PSG7: variants seen among roughly 807,000 people sequenced by gnomAD.
The protein encoded by PSG7 is pregnancy-specific beta-1-glycoprotein 7.
PSG7 carries 57 observed loss-of-function variants against 45.6 expected under a neutral mutation model. The ratio of observed to expected loss-of-function variants is 1.25; its 90% CI spans 1.01 to 1.56. PSG7 has a LOEUF of 1.56. Among genes scored for constraint, PSG7 ranks in the 40% most tolerant of loss-of-function variants. PSG7 has a pLI of 0.00. For missense variants in PSG7, 796 were observed against 508.4 expected (o/e 1.57, Z -5.44); for synonymous variants, 298 against 194.4 (o/e 1.53, Z -4.43).
chr19:42,924,920 A>G, intron 5 of PSG7, 96 bp from the exon 6 acceptor site: 2 of 750,518 alleles, frequency 2.7e-6, no homozygotes, highest in Non-Finnish European at 2.4e-6. Flanking sequence ...TTTTCTCTCT[A>G]TGGGCATCTC....
Position 42,925,496 on chromosome 19 carries a change from A to C in PSG7, c.1243+277T>G, listed in dbSNP as rs1972861223. 5 of 911,650 alleles carry C rather than the reference A, an allele frequency of 5.5e-6. 1 individual carries two copies. The African/African-American group carries it at 8.4e-5, about 15-fold the overall frequency. 56.5% of individuals were successfully genotyped at this position (911,650 alleles called of 1,614,324 possible). On this transcript the variant is annotated intron_variant, in intron 5 of 5. Transcript: ENST00000406070. ...AAAGAATCAGCATATTTTCAAATAA[A>C]AATCATAAAAACATTATCCTCATTA...
intron 1 of PSG7, 135 bp from the exon 2 acceptor site, chr19:42,935,904 AC>A (rs1278635091): frequency 3.9e-6 from 5 of 1,290,610 alleles, no homozygotes; most frequent in African/African-American, 3.1e-5. Context: ...ACACACACAC[AC>A]ACACACACAA....
chr19:42,926,607 C>T lies in PSG7; in HGVS notation c.819G>A (p.Trp273Ter), dbSNP rs768761409. 5 of 1,610,268 alleles carry T rather than the reference C, an allele frequency of 3.1e-6. No homozygotes were observed. Among genetic ancestry groups the T allele is most frequent in the Non-Finnish European group, 4.2e-6 (5 of 1,179,030 alleles). ...CCGGGAGGCTCTGACCATTTAGCCA[C>T]CAAATGTAGGTGTAGTTCTCACTCT... ...EPKSENYTYI[W>*]WLNGQSLPVS... The change falls in exon 4 of 6, where the codon TGG becomes TGA. Residue 273 changes from tryptophan (W) to a stop codon, truncating the protein, a stop_gained. Transcript: ENST00000406070. LOFTEE classifies it high-confidence loss of function.
chr19:42,929,243 C>G (rs956273832), intron 3 of PSG7, 199 bp downstream of exon 3: 2 of 1,281,198 alleles, frequency 1.6e-6, no homozygotes, highest in African/African-American at 3.0e-5. Context: ...TCTCCCATGA[C>G]AGGAGCAGCC....
At position 42,929,466 on chromosome 19, in the gene PSG7, C is replaced by G; in HGVS notation, c.685G>C (p.Asp229His). 1 of 1,612,502 alleles carries G rather than the reference C, an allele frequency of 6.2e-7. No individual in the cohort carries two copies. The part of the protein sequence containing the change: ...IRNPVSASRS[D>H]PVTLNLLPKL... The stretch of plus-strand genomic sequence containing the variant: ...CGGAGGAGATTCAGGGTGACTGGGT[C>G]ACTGCGGCTGGCACTCACTGGGTTC... The change falls in exon 3 of 6, where the codon GAC (aspartate) becomes CAC (histidine). Residue 229 changes from aspartate (D) to histidine (H), a missense_variant. Coordinates refer to ENST00000406070, the MANE Select transcript of PSG7 (RefSeq NM_002783.3).
chr19:42,929,188 T>G, intron 3 of PSG7: 2 of 846,632 alleles, frequency 2.4e-6, no homozygotes, highest in South Asian at 2.1e-5. Context: ...ATCTGGAGCC[T>G]GAGACATTCA....
rs780530486 is a variant in PSG7 at position 42,925,835 on chromosome 19, C to G, written c.1181G>C (p.Cys394Ser). The change falls in exon 5 of 6, where the codon TGC becomes TCC. Residue 394 changes from cysteine (C) to serine (S), a missense_variant. Cys to Ser is a moderately radical substitution (Grantham distance 112). Transcript: ENST00000406070. ...ITTKHSGLYA[C>S]SVRNSATGKE... is the part of the protein sequence containing the mutation. ...GCCAGTGGCTGAGTTACGAACAGAGCAAGCATAGAGCCCGCTATGCTTTGT... is the reference window on the plus strand; with the variant it reads ...GCCAGTGGCTGAGTTACGAACAGAGGAAGCATAGAGCCCGCTATGCTTTGT... The G allele has an allele frequency of 6.2e-7, 1 of 1,611,990 alleles. No homozygotes were observed. Among genetic ancestry groups the G allele is most frequent in the Admixed American group, 1.7e-5 (1 of 59,866 alleles).
chr19:42,934,769 G>A lies in PSG7; in HGVS notation c.430+635C>T, dbSNP rs550370909. ...TGTCCTAGGCCTCCTAAGGCAGTTG[G>A]CTGATGGCCTACAAAGCTTGTCTTT... On this transcript the variant is annotated intron_variant, in intron 2 of 5. Coordinates refer to ENST00000406070, the MANE Select transcript of PSG7 (RefSeq NM_002783.3). Among the ~76,000 whole-genome samples the A allele has an allele frequency of 1.8e-3, 266 of 151,670 alleles. 4 individuals carry two copies. The highest frequency in any genetic ancestry group is 5.9e-3 in the African/African-American group (242 of 41,330).
intron 5 of PSG7, 94 bp downstream of exon 5, chr19:42,925,679 A>C: frequency 1.9e-6 from 3 of 1,597,876 alleles, no homozygotes; most frequent in Non-Finnish European, 2.6e-6. Context: ...CATGGGACAC[A>C]GGCTGGGAAT....
At position 42,933,297 on chromosome 19, in the gene PSG7, ATATATATATATTT is replaced by A. The variant is rs1426967674; in HGVS notation, c.430+2094_430+2106del. 7.6e-4 allele frequency among the ~76,000 whole-genome samples: 10 copies of A among 13,244 alleles called. 1 individual carries two copies. In the South Asian group the frequency reaches 0.022, roughly 30 times the overall value. 8.7% of individuals were successfully genotyped at this position (13,244 alleles called of 152,430 possible). A position where few individuals can be genotyped will look rare whatever the true frequency, so the allele number is the denominator to read the frequency against. On this transcript the variant is annotated intron_variant, in intron 2 of 5. Transcript: ENST00000406070. ...TATATATATATATATATATATATATATATATATATATTTTTTTTTTTTTTTGGTGTATGTATGT... is the reference window on the plus strand; with the variant it reads ...TATATATATATATATATATATATATATTTTTTTTTTTTGGTGTATGTATGT...
chr19:42,933,900 G>T (rs983746828), intron 2 of PSG7, among the ~76,000 whole-genome samples: 4 of 151,452 alleles, frequency 2.6e-5, no homozygotes, highest in African/African-American at 4.9e-5. Context: ...AGGTAGTGGG[G>T]TGATGAAACA....
rs782220340 is a variant in PSG7 at position 42,935,557 on chromosome 19, G to C, written c.277C>G (p.Pro93Ala). The change falls in exon 2 of 6, where the codon CCT becomes GCT. Residue 93 changes from proline (P) to alanine (A), a missense_variant. Coordinates refer to ENST00000406070, the MANE Select transcript of PSG7 (RefSeq NM_002783.3). ...ACTGTTTCTCGTCCACTGTATGCAGGCCCATATTTAATTATTTGACCGTCT... is the reference window on the plus strand; with the variant it reads ...ACTGTTTCTCGTCCACTGTATGCAGCCCCATATTTAATTATTTGACCGTCT... ...IVDGQIIKYG[P>A]AYSGRETVYS... 2.5e-6 allele frequency: 4 copies of C among 1,612,010 alleles called. No individual in the cohort carries two copies. Among genetic ancestry groups the C allele is most frequent in the Non-Finnish European group, 3.4e-6 (4 of 1,179,038 alleles).
chr19:42,935,909 CACACAA>C (rs1321407378), intron 1 of PSG7, 140 bp from the exon 2 acceptor site: 105 of 1,081,974 alleles, frequency 9.7e-5, no homozygotes, highest in South Asian at 1.4e-4. Context: ...CACACACACA[CACACAA>C]ACACACACAC....
In PSG7 at chr19:42,929,841, G is replaced by A. The variant is rs558223918; in HGVS notation, c.431-121C>T. 24 of 1,408,184 alleles carry A rather than the reference G, an allele frequency of 1.7e-5. No homozygotes were observed. In the East Asian group the frequency reaches 2.3e-4, roughly 14 times the overall value. 87.2% of individuals were successfully genotyped at this position (1,408,184 alleles called of 1,614,324 possible). A position where few individuals can be genotyped will look rare whatever the true frequency, so the allele number is the denominator to read the frequency against. ...CCACCCAAGTCCTTAAAAGCCCATG[G>A]CAGGTGTGTGTGTTACAAGACAGAT... On this transcript the variant is annotated intron_variant, in intron 2 of 5. Transcript: ENST00000406070.
Position 42,935,476 on chromosome 19 carries a change from A to T in PSG7, c.358T>A (p.Tyr120Asn). The T allele has an allele frequency of 6.2e-7, 1 of 1,612,178 alleles. No individual in the cohort carries two copies. Among genetic ancestry groups the T allele is most frequent in the South Asian group, 1.1e-5 (1 of 90,800 alleles). ...CCTCGCTTTATGATGTGTAAAGTGT[A>T]GGATCCTGTGTCTTCCTGGGTGACA... is the stretch of plus-strand genomic sequence containing the variant. ...QNVTQEDTGS[Y>N]TLHIIKRGDG... Residue 120 changes from tyrosine (Y) to asparagine (N), a missense_variant, in exon 2 of 6, where the codon TAC (tyrosine) becomes AAC (asparagine). By Grantham distance (143) the Tyr-to-Asn change is moderately radical. Coordinates refer to ENST00000406070, the MANE Select transcript of PSG7 (RefSeq NM_002783.3).
rs1370826360 is a variant in PSG7, at chr19:42,935,725, T to C, written c.109A>G (p.Thr37Ala). 4 of 1,611,608 alleles carry C rather than the reference T, an allele frequency of 2.5e-6. No individual in the cohort carries two copies. The highest frequency in any genetic ancestry group is 1.7e-5 in the Admixed American group (1 of 59,760). The change falls in exon 2 of 6, where the codon ACG becomes GCG. Residue 37 changes from threonine to alanine, a missense_variant. Coordinates refer to ENST00000406070, the MANE Select transcript of PSG7 (RefSeq NM_002783.3). ...ACTTTTGGTGGCTGGGCTTCAATCGTGACTTGGGCTGTGGTGGGCGGGTTC... is the reference window on the plus strand; with the variant it reads ...ACTTTTGGTGGCTGGGCTTCAATCGCGACTTGGGCTGTGGTGGGCGGGTTC... ...FWNPPTTAQV[T>A]IEAQPPKVSE...
At chr19:42,935,360 G>A in intron 2 of PSG7, 44 bp downstream of exon 2, 1 of 1,606,764 alleles carries the variant, frequency 6.2e-7, no homozygotes. Context: ...AAGTAGAAAT[G>A]ACCCCTGCCC....
Position 42,927,127 on chromosome 19 carries a change from A to G in PSG7, c.710-411T>C, listed in dbSNP as rs557681385. 44 of 241,926 alleles carry G rather than the reference A, an allele frequency of 1.8e-4. 1 individual carries two copies. Among genetic ancestry groups the G allele is most frequent in the African/African-American group, 6.1e-4 (28 of 45,614 alleles). The allele number at this position is 241,926 out of a possible 1,614,324, so 15.0% of individuals were successfully genotyped here. A position where few individuals can be genotyped will look rare whatever the true frequency, so the allele number is the denominator to read the frequency against. ...CCCCCCTAGATGTGATTTCTCTGCA[A>G]CTTCCATTTCCAAGGACATTCTAGA... is the stretch of plus-strand genomic sequence containing the variant. On this transcript the variant is annotated intron_variant, in intron 3 of 5. Coordinates refer to ENST00000406070, the MANE Select transcript of PSG7 (RefSeq NM_002783.3).
Position 42,929,671 on chromosome 19 carries a change from C to T in PSG7, c.480G>A (p.Glu160=), listed in dbSNP as rs759436794. 8.7e-6 allele frequency: 14 copies of T among 1,612,402 alleles called. 1 individual carries two copies. Among genetic ancestry groups the T allele is most frequent in the Non-Finnish European group, 1.2e-5 (14 of 1,179,174 alleles). The change falls in exon 3 of 6, where the codon GAG becomes GAA. Residue 160 remains glutamate (E), a synonymous_variant. Transcript: ENST00000406070. ...AGGTTAAAATCACAGCCTCCGTGGC[C>T]TCCCTGGGGTTGAAATTGCTGCTGG... is the stretch of plus-strand genomic sequence containing the variant. ...SISSSNFNPR[E]ATEAVILTCD...
Sources: allele counts gnomAD v4.1 joint callset (sites outside exome capture counted in the v4.1 genomes callset), GRCh38; gene constraint gnomAD v4.1.1; transcripts MANE v1.5; gene names NCBI Gene and HGNC (gene_info 2026-07-23, HGNC 2026-07-21).